The following NRF1 variants were observed in gnomAD, a reference collection of about 807,000 sequenced individuals.
NRF1 encodes alpha palindromic-binding protein.
In NRF1, 5 loss-of-function variants were observed where a neutral mutation model predicts 58.5. The ratio of observed to expected loss-of-function variants is 0.09; its 90% CI spans 0.04 to 0.18. The LOEUF (loss-of-function observed/expected upper bound fraction) is 0.18. NRF1 is among the 10% of genes least tolerant of loss of function. The pLI is 1.00. For missense variants in NRF1, 288 were observed against 657.7 expected (o/e 0.44, Z 6.15); for synonymous variants, 224 against 246.7 (o/e 0.91, Z 0.86).
chr7:129,740,323 C>G (rs1479090971), intron 10 of NRF1, among the ~76,000 whole-genome samples: 1 of 152,184 alleles, frequency 6.6e-6, no homozygotes, highest in Non-Finnish European at 1.5e-5. Context: ...TGATTATTAC[C>G]ATTATAATGA....
At chr7:129,735,112 G>A in intron 10 of NRF1, 1 of 985,440 alleles carries the variant, frequency 1.0e-6, no homozygotes, top group Non-Finnish European at 1.2e-6. Context: ...ATTTTGAAGA[G>A]CACATCTGTC....
At chr7:129,714,812 C>G (rs1387534702) in intron 8 of NRF1, among the ~76,000 whole-genome samples, 1 of 152,156 alleles carries the variant, frequency 6.6e-6, no homozygotes, top group African/African-American at 2.4e-5. Flanking sequence ...ATAACTAAAG[C>G]AGGAAGCATT....
Position 129,710,903 on chromosome 7 carries a change from G to A in NRF1, c.963+332G>A, listed in dbSNP as rs145696864. On this transcript the variant is annotated intron_variant, in intron 7 of 10. Coordinates refer to ENST00000393232, the MANE Select transcript of NRF1 (RefSeq NM_005011.5). ...AGTGATTCTCCCTCCTCAGCCTCCC[G>A]AGTAGCTGGGACTACAGGTGTATGC... is the stretch of plus-strand genomic sequence containing the variant. Among the ~76,000 whole-genome samples, 282 of 150,468 alleles carry A rather than the reference G, an allele frequency of 1.9e-3. 1 individual carries two copies. Among genetic ancestry groups the A allele is most frequent in the African/African-American group, 6.5e-3 (265 of 40,930 alleles).
chr7:129,669,329 T>A (rs1007033340), intron 2 of NRF1, among the ~76,000 whole-genome samples: 22 of 152,098 alleles, frequency 1.4e-4, no homozygotes, highest in African/African-American at 4.8e-4. Context: ...ATATGCAAAT[T>A]TTACCTCAAA....
chr7:129,628,403 A>G (rs1800969987), intron 1 of NRF1, among the ~76,000 whole-genome samples: 2 of 152,184 alleles, frequency 1.3e-5, no homozygotes, highest in South Asian at 4.1e-4. Flanking sequence ...TTGATACTAT[A>G]TTAGAAATTA....
At chr7:129,691,448 G>A (rs1401889595) in intron 5 of NRF1, among the ~76,000 whole-genome samples, 1 of 147,918 alleles carries the variant, frequency 6.8e-6, no homozygotes, top group Admixed American at 6.9e-5. Context: ...TGCAACCTCC[G>A]CCTCCTGGGT....
intron 1 of NRF1, among the ~76,000 whole-genome samples, chr7:129,640,382 G>T (rs750591280): frequency 2.0e-5 from 3 of 151,984 alleles, no homozygotes; most frequent in Admixed American, 6.6e-5. Context: ...GCTGGGCGTG[G>T]TGGCTCCCGT....
chr7:129,645,244 C>T (rs1801379226), intron 1 of NRF1, among the ~76,000 whole-genome samples: 1 of 152,162 alleles, frequency 6.6e-6, no homozygotes, highest in Non-Finnish European at 1.5e-5. Flanking sequence ...CTTCATTTGA[C>T]AGATGTTACA....
intron 10 of NRF1, among the ~76,000 whole-genome samples, chr7:129,738,753 T>C (rs1183530351): frequency 6.6e-6 from 1 of 152,218 alleles, no homozygotes; most frequent in Admixed American, 6.5e-5. Flanking sequence ...CTGAGTAGAA[T>C]AGATCTTCTG....
chr7:129,745,698 G>A (rs1356258630), intron 10 of NRF1, among the ~76,000 whole-genome samples: 2 of 152,116 alleles, frequency 1.3e-5, no homozygotes, highest in African/African-American at 2.4e-5. Context: ...TCATCCCCAC[G>A]TTGGGAGCTC....
intron 1 of NRF1, among the ~76,000 whole-genome samples, chr7:129,622,571 CTTTTT>C (rs71527916): frequency 1.5e-5 from 2 of 132,566 alleles, no homozygotes; most frequent in Non-Finnish European, 1.6e-5. Context: ...CTTTTCTTTT[CTTTTT>C]TTTTTTTTTT....
intron 7 of NRF1, 122 bp downstream of exon 7, chr7:129,710,693 G>T (rs1803052670): frequency 4.6e-6 from 3 of 648,848 alleles, no homozygotes; most frequent in Non-Finnish European, 8.3e-6. Flanking sequence ...AGCTCCCCAA[G>T]ATCTTCCTAC....
At chr7:129,718,162 C>T (rs1363056019) in intron 9 of NRF1, among the ~76,000 whole-genome samples, 2 of 152,156 alleles carry the variant, frequency 1.3e-5, no homozygotes, top group Non-Finnish European at 2.9e-5. Context: ...GAAAGATCAG[C>T]TTCATATCAT....
chr7:129,720,847 T>G (rs1803305736), intron 9 of NRF1, among the ~76,000 whole-genome samples: 1 of 152,086 alleles, frequency 6.6e-6, no homozygotes, highest in South Asian at 2.1e-4. Flanking sequence ...AAATTGTCCT[T>G]TAAAAACCTA....
At chr7:129,669,752 G>A (rs1802004928) in intron 2 of NRF1, among the ~76,000 whole-genome samples, 1 of 152,158 alleles carries the variant, frequency 6.6e-6, no homozygotes, top group Non-Finnish European at 1.5e-5. Context: ...AATGTACAGT[G>A]GTCCAGCCGC....
intron 1 of NRF1, among the ~76,000 whole-genome samples, chr7:129,649,315 C>A (rs1043654597): frequency 3.3e-5 from 5 of 152,134 alleles, no homozygotes; most frequent in African/African-American, 1.2e-4. Context: ...TCCCCCCACC[C>A]CACCCCGGGT....
intron 2 of NRF1, among the ~76,000 whole-genome samples, chr7:129,663,018 A>G (rs1374237315): frequency 6.6e-6 from 1 of 152,188 alleles, no homozygotes; most frequent in Non-Finnish European, 1.5e-5. Context: ...ACCGCCCTTA[A>G]TCCATTTAAC....
intron 9 of NRF1, among the ~76,000 whole-genome samples, chr7:129,724,603 C>T (rs936273048): frequency 1.3e-5 from 2 of 152,316 alleles, no homozygotes; most frequent in Admixed American, 1.3e-4. Context: ...CAGCATTATT[C>T]ACAATAGCTA....
chr7:129,632,284 T>C (rs1801066733), intron 1 of NRF1, among the ~76,000 whole-genome samples: 1 of 151,950 alleles, frequency 6.6e-6, no homozygotes, highest in Admixed American at 6.6e-5. Flanking sequence ...TTAAAAGAAT[T>C]TTCTTATTAT....
Sources: gnomAD v4.1 joint callset for allele counts (sites outside exome capture counted in the v4.1 genomes callset) on GRCh38, gnomAD v4.1.1 for gene constraint, MANE v1.5 for transcripts, NCBI Gene and HGNC (gene_info 2026-07-23, HGNC 2026-07-21) for gene names.